CDK19: variants seen among roughly 807,000 people sequenced by gnomAD.
CDK19 encodes cyclin dependent kinase 19.
In CDK19, 20 loss-of-function variants were observed where a neutral mutation model predicts 68.3. The observed-to-expected ratio is 0.29, with a 90% CI of 0.21 to 0.43. CDK19 has a LOEUF of 0.43. Ranked by LOEUF, CDK19 falls within the 20% of genes least tolerant of loss-of-function variation. The probability of loss-of-function intolerance (pLI) is 1.00; values close to 1 mark genes in which losing one functional copy is unlikely to be tolerated. For missense variants in CDK19, 339 were observed against 623.5 expected, an observed-to-expected ratio of 0.54 and a Z score of 4.86; for synonymous variants, 221 against 222.8, an observed-to-expected ratio of 0.99 and a Z score of 0.07.
At chr6:110,651,123 AG>A (rs1355092212) in intron 4 of CDK19, among the ~76,000 whole-genome samples, 2 of 152,244 alleles carry the variant, frequency 1.3e-5, no homozygotes, top group African/African-American at 2.4e-5. Context: ...TCAATTATAC[AG>A]AATCACATAA....
At chr6:110,751,195 C>T (rs1268640596) in intron 1 of CDK19, among the ~76,000 whole-genome samples, 1 of 152,200 alleles carries the variant, frequency 6.6e-6, no homozygotes, top group Admixed American at 6.5e-5. Flanking sequence ...CAGATCCCTA[C>T]CAGTTGGTGG....
intron 1 of CDK19, among the ~76,000 whole-genome samples, chr6:110,806,975 C>T (rs1279107262): frequency 6.7e-6 from 1 of 150,018 alleles, no homozygotes; most frequent in Non-Finnish European, 1.5e-5. Flanking sequence ...AAGACTCCGT[C>T]TCAATAAATA....
intron 2 of CDK19, among the ~76,000 whole-genome samples, chr6:110,742,807 G>A (rs1157752609): frequency 3.9e-5 from 6 of 152,172 alleles, no homozygotes; most frequent in Non-Finnish European, 8.8e-5. Context: ...TTTCTGTTGA[G>A]ATGTTTATCA....
At chr6:110,789,545 G>A (rs1271715526) in intron 1 of CDK19, among the ~76,000 whole-genome samples, 1 of 152,122 alleles carries the variant, frequency 6.6e-6, no homozygotes, top group Non-Finnish European at 1.5e-5. Context: ...CCAAAGTGCT[G>A]GGATTACAGG....
intron 1 of CDK19, among the ~76,000 whole-genome samples, chr6:110,778,471 A>G (rs142473487): frequency 6.6e-6 from 1 of 152,228 alleles, no homozygotes; most frequent in African/African-American, 2.4e-5. Context: ...CAAAATAACC[A>G]CTGGAGTCCT....
At chr6:110,644,254 T>C (rs58437824) in intron 4 of CDK19, among the ~76,000 whole-genome samples, 3,820 of 150,784 alleles carry the variant, frequency 0.025, 69 homozygotes, top group Middle Eastern at 0.045. Flanking sequence ...ATGAGGCCAC[T>C]GCATTCCAGC....
At chr6:110,722,112 C>T (rs374474915) in intron 2 of CDK19, 4 of 152,126 alleles carry the variant, frequency 2.6e-5, no homozygotes, top group African/African-American at 7.2e-5. Flanking sequence ...AAATTTTAAA[C>T]GATTCCTCTC....
chr6:110,719,972 G>GCTCCCCCCCCCCC (rs1554211507), intron 2 of CDK19, among the ~76,000 whole-genome samples: 49 of 45,516 alleles, frequency 1.1e-3, no homozygotes, highest in South Asian at 1.7e-3. Flanking sequence ...CTTGTGATCC[G>GCTCCCCCCCCCCC]CCCCCCCCCC....
chr6:110,775,138 G>A (rs1780311184), intron 1 of CDK19, among the ~76,000 whole-genome samples: 2 of 152,092 alleles, frequency 1.3e-5, no homozygotes, highest in Admixed American at 6.5e-5. Context: ...CCAGCTACTC[G>A]GGAGGCTGAG....
intron 2 of CDK19, among the ~76,000 whole-genome samples, chr6:110,699,096 T>C (rs1014509963): frequency 4.0e-5 from 6 of 148,820 alleles, no homozygotes; most frequent in Non-Finnish European, 8.9e-5. Flanking sequence ...CATGAAATAC[T>C]ACTCAGTCAT....
At chr6:110,719,417 G>T (rs1308022037) in intron 2 of CDK19, among the ~76,000 whole-genome samples, 2 of 152,094 alleles carry the variant, frequency 1.3e-5, no homozygotes, top group Non-Finnish European at 2.9e-5. Context: ...CCAGCTATGT[G>T]GGAAGCTGAG....
chr6:110,724,009 A>G (rs1562234745), intron 2 of CDK19, among the ~76,000 whole-genome samples: 1 of 74,180 alleles, frequency 1.3e-5, no homozygotes, highest in Non-Finnish European at 3.1e-5. Context: ...ACATACCAAC[A>G]TTCTTAAAAA....
At chr6:110,804,593 A>G (rs936491877) in intron 1 of CDK19, among the ~76,000 whole-genome samples, 2 of 149,394 alleles carry the variant, frequency 1.3e-5, no homozygotes, top group Non-Finnish European at 3.0e-5. Flanking sequence ...TGATCCGCCC[A>G]CCTCGGCCTC....
chr6:110,723,868 T>C (rs1455085281), intron 2 of CDK19, among the ~76,000 whole-genome samples: 2 of 152,138 alleles, frequency 1.3e-5, no homozygotes, highest in African/African-American at 4.8e-5. Flanking sequence ...TTGGCTAAGA[T>C]CAAGTGTAGA....
At chr6:110,632,262 C>G in intron 5 of CDK19, 101 bp from the exon 6 acceptor site, 2 of 870,040 alleles carry the variant, frequency 2.3e-6, no homozygotes, top group Non-Finnish European at 3.5e-6. Context: ...CTATTAGAAC[C>G]ATGCAAGGTT....
At chr6:110,642,308 C>CAAAA (rs56320713) in intron 4 of CDK19, among the ~76,000 whole-genome samples, 100 of 96,314 alleles carry the variant, frequency 1.0e-3, no homozygotes, top group Non-Finnish European at 1.5e-3. Context: ...GACTCTGTTT[C>CAAAA]AAAAAAAAAA....
intron 2 of CDK19, among the ~76,000 whole-genome samples, chr6:110,713,532 G>GAGT (rs1439904210): frequency 6.8e-6 from 1 of 147,666 alleles, no homozygotes; most frequent in African/African-American, 2.5e-5. Context: ...TCAGCCTCCT[G>GAGT]AGTAGCTAGG....
intron 1 of CDK19, among the ~76,000 whole-genome samples, chr6:110,755,831 T>C (rs1222548597): frequency 6.6e-6 from 1 of 152,020 alleles, no homozygotes; most frequent in Non-Finnish European, 1.5e-5. Flanking sequence ...GTATGCAGGG[T>C]AGATCAGAAG....
chr6:110,780,972 A>G (rs1780764736), intron 1 of CDK19, among the ~76,000 whole-genome samples: 1 of 152,208 alleles, frequency 6.6e-6, no homozygotes, highest in Non-Finnish European at 1.5e-5. Flanking sequence ...AGAAGAAGCC[A>G]GTGTCTTTTA....
Sources: allele counts gnomAD v4.1 joint callset (sites outside exome capture counted in the v4.1 genomes callset), GRCh38; gene constraint gnomAD v4.1.1; transcripts MANE v1.5; gene names NCBI Gene and HGNC (gene_info 2026-07-23, HGNC 2026-07-21).